Variants in TBL1XR1 observed in about 807,000 individuals in gnomAD.
TBL1XR1 encodes F-box-like/WD repeat-containing protein TBL1XR1.
In TBL1XR1, 5 loss-of-function variants were observed where a neutral mutation model predicts 66.9. The observed-to-expected ratio is 0.07, with a 90% CI of 0.04 to 0.16. The LOEUF is 0.16. Among genes scored for constraint, TBL1XR1 ranks in the 10% least tolerant of loss-of-function variants. TBL1XR1 has a pLI of 1.00. For missense variants in TBL1XR1, 238 were observed against 623.2 expected, an observed-to-expected ratio of 0.38 and a Z score of 6.58; for synonymous variants, 210 against 206.0, an observed-to-expected ratio of 1.02 and a Z score of -0.17.
At chr3:177,067,503 A>G (rs1305329196) in intron 2 of TBL1XR1, among the ~76,000 whole-genome samples, 1 of 152,180 alleles carries the variant, frequency 6.6e-6, no homozygotes, top group Non-Finnish European at 1.5e-5. Flanking sequence ...CACCTAATGC[A>G]TTCCAGGGCA....
chr3:177,130,231 G>T (rs1728138947), intron 1 of TBL1XR1, among the ~76,000 whole-genome samples: 2 of 151,866 alleles, frequency 1.3e-5, no homozygotes, highest in African/African-American at 4.8e-5. Context: ...CTACTGTGGG[G>T]AACTTATTCA....
chr3:177,040,870 G>C (rs575795414), intron 10 of TBL1XR1, among the ~76,000 whole-genome samples: 202 of 152,242 alleles, frequency 1.3e-3, no homozygotes, highest in Non-Finnish European at 2.4e-3. Context: ...AAAGGAAACA[G>C]ACTGGAAAGA....
intron 1 of TBL1XR1, chr3:177,195,471 A>T (rs941853291): frequency 1.7e-5 from 1 of 57,644 alleles, no homozygotes; most frequent in Admixed American, 1.7e-4. Context: ...CAATCCCAGG[A>T]AGTCGGCATT....
At chr3:177,083,763 T>TG (rs1487106783) in intron 2 of TBL1XR1, among the ~76,000 whole-genome samples, 9 of 151,822 alleles carry the variant, frequency 5.9e-5, no homozygotes, top group African/African-American at 2.2e-4. Context: ...CATCAAGTAA[T>TG]GGTTTTTTTT....
chr3:177,044,511 G>A (rs1039891425), intron 10 of TBL1XR1, among the ~76,000 whole-genome samples: 2 of 152,070 alleles, frequency 1.3e-5, no homozygotes, highest in Non-Finnish European at 2.9e-5. Context: ...TCTGGGGATG[G>A]GAGAGAGATA....
At chr3:177,108,909 T>C (rs1303103267) in intron 1 of TBL1XR1, among the ~76,000 whole-genome samples, 1 of 152,148 alleles carries the variant, frequency 6.6e-6, no homozygotes, top group Non-Finnish European at 1.5e-5. Flanking sequence ...CTAGCTAATG[T>C]TCACCAAGCA....
chr3:177,167,972 T>C (rs376433297), intron 1 of TBL1XR1, among the ~76,000 whole-genome samples: 1 of 152,154 alleles, frequency 6.6e-6, no homozygotes. Context: ...AGTGTTGTTA[T>C]AGGACAAAAA....
intron 1 of TBL1XR1, among the ~76,000 whole-genome samples, chr3:177,139,234 A>T (rs1393062306): frequency 6.6e-6 from 1 of 152,222 alleles, no homozygotes; most frequent in Non-Finnish European, 1.5e-5. Flanking sequence ...AAATTAGTAA[A>T]GCACTGGCCG....
intron 3 of TBL1XR1, among the ~76,000 whole-genome samples, chr3:177,064,273 T>C (rs1577061368): frequency 6.6e-6 from 1 of 152,190 alleles, no homozygotes. Flanking sequence ...TTTCTCACCA[T>C]CCTATACCTC....
intron 10 of TBL1XR1, among the ~76,000 whole-genome samples, chr3:177,045,925 C>CT (rs1320272730): frequency 2.0e-5 from 3 of 152,124 alleles, no homozygotes; most frequent in Non-Finnish European, 4.4e-5. Context: ...GCTGCAAATG[C>CT]TTTATGGTAC....
chr3:177,127,799 T>C (rs983146834), intron 1 of TBL1XR1, among the ~76,000 whole-genome samples: 1 of 152,204 alleles, frequency 6.6e-6, no homozygotes, highest in Non-Finnish European at 1.5e-5. Context: ...AGTGTGGGAA[T>C]GTAAAAATCA....
intron 1 of TBL1XR1, chr3:177,110,941 C>T (rs1347459487): frequency 6.6e-6 from 1 of 152,172 alleles, no homozygotes; most frequent in African/African-American, 2.4e-5. Context: ...CCCCCTTGAT[C>T]TCACGTCAAG....
intron 3 of TBL1XR1, among the ~76,000 whole-genome samples, chr3:177,061,319 A>G (rs2108527450): frequency 6.6e-6 from 1 of 152,342 alleles, no homozygotes; most frequent in East Asian, 1.9e-4. Context: ...TATAGTATTG[A>G]CAACAGTAAA....
chr3:177,190,379 A>C (rs1308164373), intron 1 of TBL1XR1, among the ~76,000 whole-genome samples: 3 of 152,066 alleles, frequency 2.0e-5, no homozygotes, highest in Non-Finnish European at 4.4e-5. Context: ...GCAGTGGCGC[A>C]ATCTCAGTTC....
chr3:177,138,610 A>G (rs199955862), intron 1 of TBL1XR1, among the ~76,000 whole-genome samples: 2 of 62,910 alleles, frequency 3.2e-5, no homozygotes, highest in Non-Finnish European at 8.8e-5. Context: ...AAAAAGGGAG[A>G]GGGGGAAAGT....
chr3:177,028,250 A>G (rs1408554381), intron 14 of TBL1XR1, among the ~76,000 whole-genome samples: 1 of 152,182 alleles, frequency 6.6e-6, no homozygotes, highest in Non-Finnish European at 1.5e-5. Flanking sequence ...TAGGATAATG[A>G]TTTTCTCCTG....
chr3:177,071,666 G>A (rs975567226), intron 2 of TBL1XR1, among the ~76,000 whole-genome samples: 6 of 152,136 alleles, frequency 3.9e-5, no homozygotes, highest in East Asian at 1.9e-4. Context: ...CGCTCAAATC[G>A]AGTGAAGACG....
At chr3:177,135,338 CAT>C (rs1177634107) in intron 1 of TBL1XR1, among the ~76,000 whole-genome samples, 191 of 22,470 alleles carry the variant, frequency 8.5e-3, no homozygotes, top group South Asian at 0.023. Context: ...TGTGTGTATA[CAT>C]ATATATATAT....
intron 1 of TBL1XR1, among the ~76,000 whole-genome samples, chr3:177,152,321 G>A (rs1730989202): frequency 6.6e-6 from 1 of 151,832 alleles, no homozygotes; most frequent in Non-Finnish European, 1.5e-5. Flanking sequence ...CTAATTCAAG[G>A]CCCACCTTTT....
Sources: gnomAD v4.1 joint callset for allele counts (sites outside exome capture counted in the v4.1 genomes callset) on GRCh38, gnomAD v4.1.1 for gene constraint, MANE v1.5 for transcripts, NCBI Gene and HGNC (gene_info 2026-07-23, HGNC 2026-07-21) for gene names.